IL6R: variants seen among roughly 807,000 people sequenced by gnomAD.
IL6R encodes the protein interleukin-6 receptor subunit alpha.
In IL6R, 38 loss-of-function variants were observed where a neutral mutation model predicts 48.3. The observed-to-expected ratio is 0.79, with a 90% CI of 0.61 to 1.03. The LOEUF is 1.03. IL6R is among the 50% of genes least tolerant of loss of function. The probability of loss-of-function intolerance (pLI) is 0.00; values close to 1 mark genes in which losing one functional copy is unlikely to be tolerated. For missense variants in IL6R, 534 were observed against 618.3 expected (o/e 0.86, Z 1.45); for synonymous variants, 264 against 256.2 (o/e 1.03, Z -0.29).
At chr1:154,437,080 T>G (rs138418009) in intron 6 of IL6R, among the ~76,000 whole-genome samples, 3 of 152,020 alleles carry the variant, frequency 2.0e-5, no homozygotes, top group African/African-American at 7.3e-5. Flanking sequence ...CCATGGAAAT[T>G]TGTTGTTGTT....
intron 1 of IL6R, chr1:154,406,324 C>T (rs1465738474): frequency 6.6e-6 from 1 of 152,360 alleles, no homozygotes; most frequent in East Asian, 1.9e-4. Context: ...GTGCCCCAGT[C>T]CTGGGAATTG....
chr1:154,447,857 G>A (rs113580743), intron 6 of IL6R, among the ~76,000 whole-genome samples: 6,983 of 151,990 alleles, frequency 0.046, 282 homozygotes, highest in East Asian at 0.14. Context: ...TGGGATTACA[G>A]GCATGTGCCA....
intron 1 of IL6R, among the ~76,000 whole-genome samples, chr1:154,428,247 C>T (rs957678257): frequency 4.6e-5 from 7 of 151,928 alleles, no homozygotes; most frequent in African/African-American, 1.7e-4. Context: ...CAATTTTTTT[C>T]AAGGGGTAGA....
At chr1:154,452,693 TGGTGGCG>T in intron 8 of IL6R, among the ~76,000 whole-genome samples, 1 of 151,432 alleles carries the variant, frequency 6.6e-6, no homozygotes, top group South Asian at 2.1e-4. Flanking sequence ...TAGCCGGGTG[TGGTGGCG>T]GGTGCCTGTA....
intron 5 of IL6R, 81 bp downstream of exon 5, chr1:154,435,237 TG>T (rs1689547394): frequency 7.3e-7 from 1 of 1,375,714 alleles, no homozygotes; most frequent in South Asian, 1.3e-5. Flanking sequence ...AGGCCAGGCA[TG>T]GTGGCTCACG....
In IL6R at chr1:154,436,167, A is replaced by G; in HGVS notation, c.949+57A>G. The G allele has an allele frequency of 4.6e-6, 7 of 1,536,600 alleles. No homozygotes were observed. In the African/African-American group the frequency reaches 8.2e-5, roughly 18 times the overall value. Reference sequence around the variant, plus strand: ...TGTTTCAACTGTCATTGCATCAGGTATCCATTGCTATGTGACAAGTTGCCT... The same window carrying G: ...TGTTTCAACTGTCATTGCATCAGGTGTCCATTGCTATGTGACAAGTTGCCT... On this transcript the variant is annotated intron_variant, in intron 6 of 9. Transcript: ENST00000368485.
intron 9 of IL6R, among the ~76,000 whole-genome samples, chr1:154,455,560 C>A (rs530907305): frequency 8.1e-4 from 121 of 149,712 alleles, no homozygotes; most frequent in African/African-American, 2.8e-3. Context: ...TCACACCATT[C>A]TCCTGCCTCA....
intron 6 of IL6R, chr1:154,444,934 C>T (rs1690133668): frequency 5.1e-6 from 2 of 393,804 alleles, no homozygotes; most frequent in African/African-American, 4.2e-5. Context: ...CTGCCCCCCA[C>T]ACCCGCCCCC....
intron 1 of IL6R, among the ~76,000 whole-genome samples, chr1:154,419,703 T>G (rs1400702273): frequency 1.3e-5 from 2 of 152,084 alleles, no homozygotes; most frequent in African/African-American, 4.8e-5. Flanking sequence ...ACCGCTTACA[T>G]AAACGGGGCC....
Position 154,465,318 on chromosome 1 carries a change from G to A in IL6R, c.1345G>A (p.Asp449Asn). 6.2e-7 allele frequency: 1 copy of A among 1,614,228 alleles called. No homozygotes were observed. Among genetic ancestry groups the A allele is most frequent in the South Asian group, 1.1e-5 (1 of 91,086 alleles). Residue 449 changes from aspartate to asparagine, a missense_variant, in exon 10 of 10, where the codon GAT becomes AAT. Transcript: ENST00000368485. The stretch of plus-strand genomic sequence containing the variant: ...CAATACCTCGAGCCACAACCGACCA[G>A]ATGCCAGGGACCCACGGAGCCCTTA... ...SDNTSSHNRP[D>N]ARDPRSPYDI...
chr1:154,461,234 G>A (rs780437307), intron 9 of IL6R, among the ~76,000 whole-genome samples: 5 of 152,220 alleles, frequency 3.3e-5, no homozygotes, highest in African/African-American at 7.2e-5. Flanking sequence ...GAGCATGAAA[G>A]TGGACAAGGA....
Position 154,466,570 on chromosome 1 carries a change from A to G in IL6R, c.*1190A>G, listed in dbSNP as rs1691560580. The G allele has an allele frequency of 6.6e-6, 1 of 152,454 alleles. No individual in the cohort carries two copies. The highest frequency in any genetic ancestry group is 2.1e-4 in the South Asian group (1 of 4,832). The allele number at this position is 152,454 out of a possible 1,614,324, so 9.4% of individuals were successfully genotyped here. ...AAGTGAAAAAGGAGGAAGAGAAAAAATATTTTCCTGCCAGGCATGGTGGCC... is the reference window on the plus strand; with the variant it reads ...AAGTGAAAAAGGAGGAAGAGAAAAAGTATTTTCCTGCCAGGCATGGTGGCC... On this transcript the variant is annotated 3_prime_UTR_variant, in exon 10 of 10. Coordinates refer to ENST00000368485, the MANE Select transcript of IL6R (RefSeq NM_000565.4).
chr1:154,436,133 A>C (rs1245847229), intron 6 of IL6R, 23 bp downstream of exon 6: 2 of 1,577,528 alleles, frequency 1.3e-6, no homozygotes, highest in African/African-American at 2.7e-5. Flanking sequence ...GCACTGAGAA[A>C]GGAAGGGATG....
chr1:154,431,206 C>T (rs763960939), intron 3 of IL6R, among the ~76,000 whole-genome samples: 9 of 152,160 alleles, frequency 5.9e-5, no homozygotes, highest in Non-Finnish European at 1.2e-4. Context: ...CGGAAGACGG[C>T]TTAACGTGGG....
Position 154,414,897 on chromosome 1 carries a change from G to C in IL6R, c.85+9183G>C, listed in dbSNP as rs1293089552. ...GCTGTTCCTTGTAATCAAAGTAGCA[G>C]CATTTGAGCTGGGTCATGTGGCGCT... On this transcript the variant is annotated intron_variant, in intron 1 of 9. Transcript: ENST00000368485. The C allele has an allele frequency of 7.0e-6, 6 of 857,198 alleles. No individual in the cohort carries two copies. The African/African-American group carries it at 8.4e-5, about 12-fold the overall frequency. The allele number at this position is 857,198 out of a possible 1,614,324, so 53.1% of individuals were successfully genotyped here.
chr1:154,451,991 C>T (rs1690609538), intron 8 of IL6R, among the ~76,000 whole-genome samples: 1 of 152,152 alleles, frequency 6.6e-6, no homozygotes, highest in African/African-American at 2.4e-5. Context: ...TACTCCTCAT[C>T]CTGTGTCCAG....
At position 154,466,723 on chromosome 1, in the gene IL6R, C is replaced by T. The variant is rs914255383; in HGVS notation, c.*1343C>T. ...ATTAGCCAAGTGTGGTAGAGTGTGC[C>T]TGAAGTCCCAGATACTTGGGGGGCT... On this transcript the variant is annotated 3_prime_UTR_variant, in exon 10 of 10. Coordinates refer to ENST00000368485, the MANE Select transcript of IL6R (RefSeq NM_000565.4). 1.2e-5 allele frequency: 2 copies of T among 163,782 alleles called. No individual in the cohort carries two copies. The highest frequency in any genetic ancestry group is 4.8e-5 in the African/African-American group (2 of 41,654). 10.1% of individuals were successfully genotyped at this position (163,782 alleles called of 1,614,324 possible).
At chr1:154,411,543 T>C (rs533468719) in intron 1 of IL6R, among the ~76,000 whole-genome samples, 3 of 152,312 alleles carry the variant, frequency 2.0e-5, no homozygotes, top group Non-Finnish European at 4.4e-5. Flanking sequence ...TGGAATGTTT[T>C]GCAATCCACA....
intron 1 of IL6R, chr1:154,418,349 A>G: frequency 1.1e-6 from 1 of 921,726 alleles, no homozygotes; most frequent in Non-Finnish European, 1.3e-6. Context: ...TTACCTGTTT[A>G]TGGGTCCAAA....
Sources: allele counts gnomAD v4.1 joint callset (sites outside exome capture counted in the v4.1 genomes callset), GRCh38; gene constraint gnomAD v4.1.1; transcripts MANE v1.5; gene names NCBI Gene and HGNC (gene_info 2026-07-23, HGNC 2026-07-21).